B4GALT1: variants seen among roughly 807,000 people sequenced by gnomAD.
The protein encoded by B4GALT1 is beta-1,4-galactosyltransferase 1.
B4GALT1 carries 16 observed loss-of-function variants against 34.9 expected under a neutral mutation model. The observed-to-expected ratio is 0.46, with a 90% CI of 0.31 to 0.70. The LOEUF (loss-of-function observed/expected upper bound fraction) is 0.70, where lower values mean the gene tolerates loss of function less well. Ranked by LOEUF, B4GALT1 falls within the 30% of genes least tolerant of loss-of-function variation. The pLI is 0.05. For missense variants in B4GALT1, 445 were observed against 530.5 expected, an observed-to-expected ratio of 0.84 and a Z score of 1.58; for synonymous variants, 221 against 218.1, an observed-to-expected ratio of 1.01 and a Z score of -0.12.
chr9:33,147,273 G>A (rs538266447), intron 1 of B4GALT1, among the ~76,000 whole-genome samples: 1 of 138,734 alleles, frequency 7.2e-6, no homozygotes, highest in African/African-American at 2.7e-5. Flanking sequence ...TTCCCCCTGA[G>A]ATGGAGTTTC....
At chr9:33,124,601 A>T (rs1211657043) in intron 2 of B4GALT1, among the ~76,000 whole-genome samples, 1 of 152,130 alleles carries the variant, frequency 6.6e-6, no homozygotes, top group Non-Finnish European at 1.5e-5. Flanking sequence ...GCACCACCGC[A>T]CTCCAACCTG....
intron 1 of B4GALT1, among the ~76,000 whole-genome samples, chr9:33,148,340 G>A (rs1385097409): frequency 6.6e-6 from 1 of 152,172 alleles, no homozygotes; most frequent in African/African-American, 2.4e-5. Context: ...TAGGAAGCTG[G>A]TTAATGCTGA....
chr9:33,146,211 T>A (rs912997138), intron 1 of B4GALT1, among the ~76,000 whole-genome samples: 11 of 152,232 alleles, frequency 7.2e-5, no homozygotes, highest in African/African-American at 2.7e-4. Flanking sequence ...AGATTCCTCC[T>A]TCTCACTCCT....
At chr9:33,138,425 G>A (rs1033179329) in intron 1 of B4GALT1, among the ~76,000 whole-genome samples, 3 of 152,112 alleles carry the variant, frequency 2.0e-5, no homozygotes, top group African/African-American at 4.8e-5. Context: ...CAGGAGGAGT[G>A]CAGGGATCCA....
intron 2 of B4GALT1, among the ~76,000 whole-genome samples, chr9:33,126,659 A>C (rs1840107740): frequency 6.6e-6 from 1 of 151,892 alleles, no homozygotes; most frequent in Non-Finnish European, 1.5e-5. Context: ...TGTTAACCAT[A>C]GCAATATGGT....
intron 1 of B4GALT1, among the ~76,000 whole-genome samples, chr9:33,164,537 C>G (rs1053760325): frequency 6.6e-6 from 1 of 152,202 alleles, no homozygotes; most frequent in African/African-American, 2.4e-5. Flanking sequence ...ACTCTCTCCT[C>G]GTCCTCCAAA....
intron 2 of B4GALT1, among the ~76,000 whole-genome samples, chr9:33,132,207 T>A (rs1338081461): frequency 6.9e-6 from 1 of 144,330 alleles, no homozygotes; most frequent in Non-Finnish European, 1.5e-5. Flanking sequence ...ATATTCCTGA[T>A]GCTAAGTTGT....
chr9:33,128,581 T>C (rs771852869), intron 2 of B4GALT1, among the ~76,000 whole-genome samples: 4 of 152,006 alleles, frequency 2.6e-5, no homozygotes, highest in Non-Finnish European at 5.9e-5. Flanking sequence ...CCCACTCCCA[T>C]TCCCCACCCC....
At chr9:33,171,100 G>A (rs762744782), upstream of B4GALT1, among the ~76,000 whole-genome samples, 4 of 152,214 alleles carry the variant, frequency 2.6e-5, no homozygotes, top group Non-Finnish European at 4.4e-5. Context: ...AATAGTGCCC[G>A]GCACATGGTA....
In B4GALT1 at chr9:33,113,393, G is replaced by C; in HGVS notation, c.*61C>G. ...TGAGAGGGACCAGCCCAGCAGATTG[G>C]CAGAGACACACAGCAGAGGTCCCTG... On this transcript the variant is annotated 3_prime_UTR_variant, in exon 6 of 6. Coordinates refer to ENST00000379731, the MANE Select transcript of B4GALT1 (RefSeq NM_001497.4). The C allele has an allele frequency of 6.2e-7, 1 of 1,610,854 alleles. No homozygotes were observed. Among genetic ancestry groups the C allele is most frequent in the Non-Finnish European group, 8.5e-7 (1 of 1,177,580 alleles).
At chr9:33,165,265 G>A (rs1453992174) in intron 1 of B4GALT1, among the ~76,000 whole-genome samples, 1 of 151,956 alleles carries the variant, frequency 6.6e-6, no homozygotes, top group Non-Finnish European at 1.5e-5. Context: ...ACCATGCCCA[G>A]CCTGAGTGCC....
the B4GALT1 span, chr9:33,179,932 G>A: frequency 6.6e-6 from 1 of 152,170 alleles, no homozygotes; most frequent in Non-Finnish European, 1.5e-5. Context: ...AACTTCCTCA[G>A]TAATATCAAG....
intron 1 of B4GALT1, among the ~76,000 whole-genome samples, chr9:33,155,717 G>GCC (rs931774163): frequency 6.6e-6 from 1 of 152,140 alleles, no homozygotes; most frequent in African/African-American, 2.4e-5. Flanking sequence ...TCTTGACTCT[G>GCC]CCCCAAGGCA....
At chr9:33,118,114 G>C (rs1167270712) in intron 3 of B4GALT1, among the ~76,000 whole-genome samples, 1 of 152,188 alleles carries the variant, frequency 6.6e-6, no homozygotes, top group African/African-American at 2.4e-5. Flanking sequence ...ATAAACCTGT[G>C]TGTTTCAAGA....
chr9:33,170,333 G>A (rs954514251), upstream of B4GALT1, among the ~76,000 whole-genome samples: 2 of 152,140 alleles, frequency 1.3e-5, no homozygotes. Flanking sequence ...GGAGAGAAGG[G>A]AAAAATTATT....
At chr9:33,138,872 C>A (rs1008651462) in intron 1 of B4GALT1, among the ~76,000 whole-genome samples, 3 of 152,170 alleles carry the variant, frequency 2.0e-5, no homozygotes, top group African/African-American at 7.2e-5. Flanking sequence ...ACTGACACCA[C>A]CATCTCCCCA....
At chr9:33,119,523 C>T (rs1839990527) in intron 3 of B4GALT1, among the ~76,000 whole-genome samples, 1 of 152,210 alleles carries the variant, frequency 6.6e-6, no homozygotes, top group Non-Finnish European at 1.5e-5. Flanking sequence ...TCAAGCCCAG[C>T]TTGGGCAACA....
chr9:33,111,144 T>TG lies in B4GALT1; in HGVS notation c.*2309dup, dbSNP rs531869620. 2 of 150,458 alleles carry TG rather than the reference T, an allele frequency of 1.3e-5. No individual in the cohort carries two copies. Among genetic ancestry groups the TG allele is most frequent in the South Asian group, 4.2e-4 (2 of 4,726 alleles). 9.3% of individuals were successfully genotyped at this position (150,458 alleles called of 1,614,324 possible). On this transcript the variant is annotated 3_prime_UTR_variant, in exon 6 of 6. Transcript: ENST00000379731. Reference sequence around the variant, plus strand: ...GCCTAACTGTGCCCTGGCTGTGCCTTGGGCCCAGGTGAGCCCATGAGAGCA... The same window carrying TG: ...GCCTAACTGTGCCCTGGCTGTGCCTTGGGGCCCAGGTGAGCCCATGAGAGCA...
downstream of B4GALT1, among the ~76,000 whole-genome samples, chr9:33,108,333 C>T (rs1419746027): frequency 6.6e-6 from 1 of 151,644 alleles, no homozygotes; most frequent in Non-Finnish European, 1.5e-5. Context: ...AAATTAGGGG[C>T]CAGGTGCAGT....
Sources: gnomAD v4.1 joint callset for allele counts (sites outside exome capture counted in the v4.1 genomes callset) on GRCh38, gnomAD v4.1.1 for gene constraint, MANE v1.5 for transcripts, NCBI Gene and HGNC (gene_info 2026-07-23, HGNC 2026-07-21) for gene names.